The following TMEM91 variants were observed in gnomAD, a reference collection of about 807,000 sequenced individuals.
TMEM91 encodes the protein dispanin subfamily C member 3.
Under a neutral mutation model 13.3 loss-of-function variants are expected in TMEM91, and 6 were observed. The observed-to-expected ratio is 0.45, with a 90% CI of 0.25 to 0.89. The LOEUF is 0.89. TMEM91 is among the 40% of genes least tolerant of loss of function. The pLI, the probability that TMEM91 is intolerant of heterozygous loss-of-function variation, is 0.19. For missense variants in TMEM91, 193 were observed against 228.7 expected, an observed-to-expected ratio of 0.84 and a Z score of 1.01; for synonymous variants, 87 against 101.7, an observed-to-expected ratio of 0.86 and a Z score of 0.87.
At chr19:41,364,114 G>A (rs541972568) in intron 1 of TMEM91, 1 of 164,306 alleles carries the variant, frequency 6.1e-6, no homozygotes, top group African/African-American at 2.4e-5. Context: ...CGATACTTCC[G>A]CGACCGCGCT....
intron 1 of TMEM91, among the ~76,000 whole-genome samples, chr19:41,371,312 T>TC (rs761148680): frequency 8.8e-4 from 14 of 15,964 alleles, no homozygotes; most frequent in South Asian, 7.8e-3. Flanking sequence ...CACTATCCTC[T>TC]CCTTCCTTCC....
chr19:41,382,699 G>T, intron 2 of TMEM91, 73 bp from the exon 3 acceptor site: 2 of 1,551,286 alleles, frequency 1.3e-6, no homozygotes, highest in South Asian at 2.5e-5. Context: ...GGCCTTTGAG[G>T]GCTATGGAGA....
chr19:41,378,564 G>A (rs1259617542), intron 2 of TMEM91, 45 bp downstream of exon 2: 1 of 1,598,318 alleles, frequency 6.3e-7, no homozygotes, highest in African/African-American at 1.3e-5. Context: ...AGGGGGCTGG[G>A]GTGAGCCCCA....
At chr19:41,373,048 C>T (rs1434635378), upstream of TMEM91, among the ~76,000 whole-genome samples, 2 of 152,138 alleles carry the variant, frequency 1.3e-5, no homozygotes, top group Non-Finnish European at 2.9e-5. Flanking sequence ...AACCAATCCT[C>T]CTATCTCAGT....
At chr19:41,375,496 T>A (rs2038699793), upstream of TMEM91, among the ~76,000 whole-genome samples, 1 of 151,098 alleles carries the variant, frequency 6.6e-6, no homozygotes, top group South Asian at 2.1e-4. Context: ...GCCAGGATGG[T>A]CTGGATCTCC....
intron 1 of TMEM91, among the ~76,000 whole-genome samples, chr19:41,365,327 A>G (rs1234150555): frequency 1.3e-5 from 2 of 152,214 alleles, no homozygotes; most frequent in Non-Finnish European, 2.9e-5. Context: ...AATAATGCAT[A>G]TATCAACTAG....
chr19:41,365,168 G>A (rs1424699120), intron 1 of TMEM91, among the ~76,000 whole-genome samples: 2 of 151,692 alleles, frequency 1.3e-5, no homozygotes, highest in Non-Finnish European at 2.9e-5. Context: ...TTACAGGCGT[G>A]AGCCACCCAG....
chr19:41,371,347 T>TTCCC, intron 1 of TMEM91, among the ~76,000 whole-genome samples: 1 of 148,814 alleles, frequency 6.7e-6, no homozygotes, highest in African/African-American at 2.5e-5. Context: ...CCTTCCTTCC[T>TTCCC]TCCTTCCTTC....
Position 41,378,461 on chromosome 19 carries a change from C to T in TMEM91, c.152C>T (p.Ser51Leu). The T allele has an allele frequency of 6.2e-7, 1 of 1,614,104 alleles. No homozygotes were observed. The highest frequency in any genetic ancestry group is 8.5e-7 in the Non-Finnish European group (1 of 1,180,014). Reference sequence around the variant, plus strand: ...TCCCTGAGGGGTTTGCAGTTCCTGTCACCGCCTCTTCCCTCCGTGAGCGCT... The same window carrying T: ...TCCCTGAGGGGTTTGCAGTTCCTGTTACCGCCTCTTCCCTCCGTGAGCGCT... ...AESLRGLQFL[S>L]PPLPSVSAGL... is the part of the protein sequence containing the mutation. Residue 51 changes from serine to leucine, a missense_variant, in exon 2 of 4, where the codon TCA becomes TTA. By Grantham distance (145) the Ser-to-Leu change is moderately radical. Transcript: ENST00000392002.
At chr19:41,369,380 C>A (rs1223784589) in intron 1 of TMEM91, among the ~76,000 whole-genome samples, 2 of 151,946 alleles carry the variant, frequency 1.3e-5, no homozygotes, top group African/African-American at 4.8e-5. Context: ...TATGGCCGCG[C>A]CTGGCCATCC....
At chr19:41,368,363 G>A (rs2038561006) in intron 1 of TMEM91, among the ~76,000 whole-genome samples, 1 of 150,382 alleles carries the variant, frequency 6.6e-6, no homozygotes, top group East Asian at 2.0e-4. Context: ...GCTGCAGTGA[G>A]CTGTGATCAT....
chr19:41,376,421 G>T (rs1319938153), upstream of TMEM91: 1 of 152,246 alleles, frequency 6.6e-6, no homozygotes, highest in Non-Finnish European at 1.5e-5. Context: ...TTAGAACAGG[G>T]CGCACGGTCC....
Position 41,383,884 on chromosome 19 carries a change from A to AT in TMEM91, c.*11_*12insT, listed in dbSNP as rs781777119. 2.5e-6 allele frequency: 4 copies of AT among 1,603,144 alleles called. No homozygotes were observed. The highest frequency in any genetic ancestry group is 3.4e-6 in the Non-Finnish European group (4 of 1,175,484). ...CGAGACCCGCCCTAGTTGCCCCTAC[A>AT]GCCCTCACTGTGAACCCTGAGGCCG... is the stretch of plus-strand genomic sequence containing the variant. On this transcript the variant is annotated 3_prime_UTR_variant, in exon 4 of 4. Coordinates refer to ENST00000392002, the MANE Select transcript of TMEM91 (RefSeq NM_001098821.2).
At chr19:41,364,982 C>A (rs1239536393) in intron 1 of TMEM91, among the ~76,000 whole-genome samples, 2 of 152,016 alleles carry the variant, frequency 1.3e-5, no homozygotes, top group South Asian at 4.2e-4. Flanking sequence ...TTCAAGGGAT[C>A]CTCCTACCTC....
chr19:41,374,089 C>T (rs2038667202), upstream of TMEM91: 1 of 152,292 alleles, frequency 6.6e-6, no homozygotes, highest in East Asian at 1.9e-4. Context: ...CTCGTCTACC[C>T]TCCCGTGGGT....
intron 2 of TMEM91, among the ~76,000 whole-genome samples, chr19:41,381,579 C>T (rs958658591): frequency 1.7e-4 from 26 of 151,956 alleles, no homozygotes; most frequent in African/African-American, 5.6e-4. Context: ...TTAGCCAGGA[C>T]GGTCTCGATC....
chr19:41,367,637 C>G (rs574008676), intron 1 of TMEM91, among the ~76,000 whole-genome samples: 1 of 152,128 alleles, frequency 6.6e-6, no homozygotes, highest in South Asian at 2.1e-4. Flanking sequence ...GTCTCAAAAA[C>G]AAAACAAAAC....
chr19:41,371,404 CCCTCCTTTCTCTCTCTCT>C (rs914627059), intron 1 of TMEM91, among the ~76,000 whole-genome samples: 5 of 137,780 alleles, frequency 3.6e-5, no homozygotes, highest in African/African-American at 1.1e-4. Flanking sequence ...CTCCCTCCCT[CCCTCCTTTCTCTCTCTCT>C]CTTTCTCTCT....
intron 1 of TMEM91, among the ~76,000 whole-genome samples, chr19:41,365,931 G>A (rs536171448): frequency 2.1e-5 from 3 of 143,370 alleles, no homozygotes; most frequent in South Asian, 4.5e-4. Context: ...GGCTGGTCTC[G>A]AACTCCTGGC....
Sources: allele counts gnomAD v4.1 joint callset (sites outside exome capture counted in the v4.1 genomes callset), GRCh38; gene constraint gnomAD v4.1.1; transcripts MANE v1.5; gene names NCBI Gene and HGNC (gene_info 2026-07-23, HGNC 2026-07-21).